TBC1D22A: variants seen among roughly 807,000 people sequenced by gnomAD.
TBC1D22A encodes the protein TBC1 domain family member 22A.
TBC1D22A carries 38 observed loss-of-function variants against 60.2 expected under a neutral mutation model. That is an observed-to-expected ratio of 0.63 (90% CI 0.49 to 0.83). The LOEUF is 0.83. TBC1D22A is among the 40% of genes least tolerant of loss of function. The pLI, the probability that TBC1D22A is intolerant of heterozygous loss-of-function variation, is 0.00. For missense variants in TBC1D22A, 628 were observed against 701.0 expected (o/e 0.90, Z 1.18); for synonymous variants, 302 against 281.7 (o/e 1.07, Z -0.72).
At chr22:46,790,286 C>G (rs975899371) in intron 1 of TBC1D22A, among the ~76,000 whole-genome samples, 6 of 152,242 alleles carry the variant, frequency 3.9e-5, no homozygotes, top group Non-Finnish European at 7.3e-5. Context: ...TGTGACCTTC[C>G]GCGGTCTCTT....
intron 8 of TBC1D22A, among the ~76,000 whole-genome samples, chr22:46,958,417 G>A (rs6009072): frequency 0.13 from 19,398 of 152,130 alleles, 3,052 homozygotes; most frequent in African/African-American, 0.38. Context: ...ACCATCAGTC[G>A]TTACATTGGG....
rs970910213 is a variant in TBC1D22A, at chr22:46,762,675, T to G, written c.-112T>G. ...GGAAGAGCTTCTCGGCTCTAGGCTC[T>G]GGAGTCCCGGGAGCAGTGAGGGGCC... On this transcript the variant is annotated 5_prime_UTR_variant, in exon 1 of 13. Transcript: ENST00000337137. 1.1e-6 allele frequency: 1 copy of G among 902,066 alleles called. No individual in the cohort carries two copies. The highest frequency in any genetic ancestry group is 1.8e-5 in the African/African-American group (1 of 56,322). 55.9% of individuals were successfully genotyped at this position (902,066 alleles called of 1,614,324 possible). A position where few individuals can be genotyped will look rare whatever the true frequency, so the allele number is the denominator to read the frequency against.
chr22:47,021,084 A>C (rs1377581404), intron 10 of TBC1D22A, among the ~76,000 whole-genome samples: 1 of 152,158 alleles, frequency 6.6e-6, no homozygotes, highest in Non-Finnish European at 1.5e-5. Flanking sequence ...AGGCCTCCTG[A>C]TGAGGATGCA....
chr22:46,806,725 G>T (rs2085156354), intron 4 of TBC1D22A, among the ~76,000 whole-genome samples: 1 of 152,176 alleles, frequency 6.6e-6, no homozygotes, highest in East Asian at 1.9e-4. Flanking sequence ...GGGGCTCTGG[G>T]TATGATGGTG....
intron 8 of TBC1D22A, among the ~76,000 whole-genome samples, chr22:46,968,776 A>G (rs1490563332): frequency 6.6e-5 from 10 of 152,178 alleles, no homozygotes; most frequent in African/African-American, 1.4e-4. Context: ...AGGGGCCAAG[A>G]ATTTCTGCTC....
intron 5 of TBC1D22A, among the ~76,000 whole-genome samples, chr22:46,878,952 A>G (rs1315616050): frequency 1.3e-5 from 2 of 152,174 alleles, no homozygotes; most frequent in African/African-American, 2.4e-5. Context: ...TATGACAACT[A>G]TATTTTTTCC....
intron 11 of TBC1D22A, among the ~76,000 whole-genome samples, chr22:47,060,106 G>T (rs760987514): frequency 4.6e-5 from 7 of 152,112 alleles, no homozygotes; most frequent in Non-Finnish European, 8.8e-5. Flanking sequence ...CTGATTGTTG[G>T]TGCATGTTTT....
intron 11 of TBC1D22A, among the ~76,000 whole-genome samples, chr22:47,054,119 G>A (rs981951715): frequency 1.3e-5 from 2 of 152,238 alleles, no homozygotes; most frequent in Non-Finnish European, 2.9e-5. Context: ...CTCTGGGCAT[G>A]CATCCCTGAC....
intron 11 of TBC1D22A, among the ~76,000 whole-genome samples, chr22:47,092,781 C>G (rs2065027906): frequency 6.6e-6 from 1 of 152,240 alleles, no homozygotes; most frequent in Admixed American, 6.5e-5. Context: ...GGTGTGATGT[C>G]ATTTCTTGCT....
rs2083756227 is a variant in TBC1D22A, at chr22:46,777,549, TAAGAG to T, written c.62+14705_62+14709del. On this transcript the variant is annotated intron_variant, in intron 1 of 12. Transcript: ENST00000337137. The surrounding 1 kb of genome is among the most constrained non-coding windows in gnomAD (Gnocchi z 4.5). ...GGTCAGGAGAGAGCATGATTTTTCA[TAAGAG>T]AAGGAAGGAGGACTGAGGACTCGGC... Among the ~76,000 whole-genome samples the T allele has an allele frequency of 6.6e-6, 1 of 151,970 alleles. No individual in the cohort carries two copies. The highest frequency in any genetic ancestry group is 2.1e-4 in the South Asian group (1 of 4,796).
intron 12 of TBC1D22A, among the ~76,000 whole-genome samples, chr22:47,155,972 A>G (rs189876729): frequency 5.9e-5 from 9 of 152,284 alleles, no homozygotes; most frequent in South Asian, 2.1e-4. Context: ...CGGCCCTCCT[A>G]CGTCTGTGGT....
intron 4 of TBC1D22A, among the ~76,000 whole-genome samples, chr22:46,838,480 C>T (rs1602089567): frequency 6.6e-6 from 1 of 152,190 alleles, no homozygotes; most frequent in Admixed American, 6.5e-5. Flanking sequence ...CTACCAAATA[C>T]TTAAAGAAGA....
chr22:47,059,117 C>G (rs79666755), intron 11 of TBC1D22A, among the ~76,000 whole-genome samples: 1 of 152,264 alleles, frequency 6.6e-6, no homozygotes, highest in Non-Finnish European at 1.5e-5. Context: ...ATGAGAACAT[C>G]AAGGCTCGGC....
chr22:47,084,699 G>A (rs538058448), intron 11 of TBC1D22A, among the ~76,000 whole-genome samples: 2 of 152,300 alleles, frequency 1.3e-5, no homozygotes, highest in African/African-American at 4.8e-5. Context: ...GCAGCTACAC[G>A]AAGTAATGTG....
At chr22:46,981,547 T>A (rs1379148736) in intron 9 of TBC1D22A, among the ~76,000 whole-genome samples, 1 of 152,212 alleles carries the variant, frequency 6.6e-6, no homozygotes, top group Non-Finnish European at 1.5e-5. Context: ...GTCTCCCCCA[T>A]TCTGTTCTCT....
chr22:47,127,012 A>G (rs1362140799), intron 12 of TBC1D22A, among the ~76,000 whole-genome samples: 1 of 152,176 alleles, frequency 6.6e-6, no homozygotes, highest in African/African-American at 2.4e-5. Context: ...TACACGCAAT[A>G]TCCACATACA....
chr22:46,799,341 T>C (rs2084797755), intron 4 of TBC1D22A, among the ~76,000 whole-genome samples: 1 of 152,212 alleles, frequency 6.6e-6, no homozygotes, highest in Admixed American at 6.5e-5. Flanking sequence ...TTTGTGTGTA[T>C]ATATACATTT....
intron 11 of TBC1D22A, among the ~76,000 whole-genome samples, chr22:47,074,659 C>G (rs2064131178): frequency 6.6e-6 from 1 of 152,232 alleles, no homozygotes; most frequent in African/African-American, 2.4e-5. Flanking sequence ...TAGCCACCCC[C>G]TCGGGGACCT....
chr22:47,123,988 A>G (rs540173725), intron 12 of TBC1D22A, among the ~76,000 whole-genome samples: 1 of 152,214 alleles, frequency 6.6e-6, no homozygotes, highest in East Asian at 1.9e-4. Flanking sequence ...CCATGTTCTG[A>G]TGCAACACCG....
Sources: gnomAD v4.1 joint callset for allele counts (sites outside exome capture counted in the v4.1 genomes callset) on GRCh38, gnomAD v4.1.1 for gene constraint, Gnocchi (gnomAD v3.1) non-coding constraint, MANE v1.5 for transcripts, NCBI Gene and HGNC (gene_info 2026-07-23, HGNC 2026-07-21) for gene names.